The following MCTP1 variants were observed in gnomAD, a reference collection of about 807,000 sequenced individuals.
The protein encoded by MCTP1 is multiple C2 and transmembrane domain containing 1.
MCTP1 carries 69 observed loss-of-function variants against 120.6 expected under a neutral mutation model. That is an observed-to-expected ratio of 0.57 (90% CI 0.47 to 0.70). The LOEUF (loss-of-function observed/expected upper bound fraction) is 0.70. MCTP1 is among the 30% of genes least tolerant of loss of function. The pLI, the probability that MCTP1 is intolerant of heterozygous loss-of-function variation, is 0.00. For missense variants in MCTP1, 1,203 were observed against 1,248.8 expected (o/e 0.96, Z 0.55); for synonymous variants, 529 against 493.1 (o/e 1.07, Z -0.96).
intron 1 of MCTP1, among the ~76,000 whole-genome samples, chr5:95,202,768 C>G (rs1444059601): frequency 6.6e-6 from 1 of 151,936 alleles, no homozygotes; most frequent in Non-Finnish European, 1.5e-5. Context: ...TGCTCTGTTG[C>G]CCAGGCTGGA....
chr5:95,108,135 A>G (rs1757221536), intron 1 of MCTP1, among the ~76,000 whole-genome samples: 1 of 152,204 alleles, frequency 6.6e-6, no homozygotes, highest in African/African-American at 2.4e-5. Flanking sequence ...ATTCTCCTTT[A>G]TCTCCATACA....
At chr5:94,751,702 C>T (rs145854532) in intron 19 of MCTP1, among the ~76,000 whole-genome samples, 144 of 152,120 alleles carry the variant, frequency 9.5e-4, no homozygotes, top group African/African-American at 3.3e-3. Flanking sequence ...AAAGCAGAGC[C>T]GTTGTTGAAT....
intron 2 of MCTP1, among the ~76,000 whole-genome samples, chr5:94,957,314 A>G (rs1369685150): frequency 3.3e-5 from 5 of 152,158 alleles, no homozygotes; most frequent in African/African-American, 1.2e-4. Flanking sequence ...ACAAAAACAA[A>G]CCGAGATGTA....
rs551989583 is a variant in MCTP1 at position 94,734,294 on chromosome 5, TATAAC to T, written c.2611-19413_2611-19409del. 2.0e-3 allele frequency among the ~76,000 whole-genome samples: 302 copies of T among 152,368 alleles called. 1 individual carries two copies. Among genetic ancestry groups the T allele is most frequent in the African/African-American group, 6.4e-3 (265 of 41,582 alleles). The stretch of plus-strand genomic sequence containing the variant: ...ATTAATATTTTTTAGGATGCAGTCT[TATAAC>T]ATGTATTGTACTTCTTTCCAATCTA... On this transcript the variant is annotated intron_variant, in intron 19 of 22. Transcript: ENST00000515393.
At chr5:95,143,105 T>C (rs1425368600) in intron 1 of MCTP1, among the ~76,000 whole-genome samples, 1 of 152,206 alleles carries the variant, frequency 6.6e-6, no homozygotes, top group East Asian at 1.9e-4. Flanking sequence ...AGTTACCATG[T>C]ATTATAGGCA....
intron 1 of MCTP1, among the ~76,000 whole-genome samples, chr5:95,221,091 G>A (rs772180803): frequency 3.3e-5 from 5 of 152,194 alleles, no homozygotes; most frequent in Non-Finnish European, 7.3e-5. Context: ...CAGCATAGAT[G>A]CTACAACCAA....
intron 1 of MCTP1, among the ~76,000 whole-genome samples, chr5:95,061,408 GTTTTTTTTTT>G (rs556663513): frequency 0.011 from 382 of 33,316 alleles, 62 homozygotes; most frequent in Middle Eastern, 0.022. Context: ...CCCCTTAAGG[GTTTTTTTTTT>G]TTTTTTTTTT....
chr5:94,808,953 C>T (rs1782902299), intron 17 of MCTP1, among the ~76,000 whole-genome samples: 1 of 152,074 alleles, frequency 6.6e-6, no homozygotes, highest in Non-Finnish European at 1.5e-5. Context: ...TTTGAAGTTG[C>T]TATCTGAAAC....
chr5:95,231,355 C>T (rs1427614734), intron 1 of MCTP1, among the ~76,000 whole-genome samples: 1 of 151,922 alleles, frequency 6.6e-6, no homozygotes, highest in Non-Finnish European at 1.5e-5. Flanking sequence ...TATATATACA[C>T]ATATATAGAC....
chr5:95,061,718 A>G (rs971123190), intron 1 of MCTP1, among the ~76,000 whole-genome samples: 5 of 151,920 alleles, frequency 3.3e-5, no homozygotes, highest in Non-Finnish European at 5.9e-5. Flanking sequence ...TACAGGCGTG[A>G]GCCACCGCGC....
chr5:95,151,803 T>C (rs1229474247), intron 1 of MCTP1, among the ~76,000 whole-genome samples: 1 of 152,214 alleles, frequency 6.6e-6, no homozygotes, highest in Non-Finnish European at 1.5e-5. Context: ...TACTTTGGCA[T>C]TTCCTCTCTG....
At chr5:95,052,917 G>A (rs768856422) in intron 1 of MCTP1, among the ~76,000 whole-genome samples, 6 of 152,130 alleles carry the variant, frequency 3.9e-5, no homozygotes, top group Admixed American at 1.3e-4. Context: ...AATTCTGGCC[G>A]TTCAACATTT....
rs1801910467 is a variant in MCTP1 at position 94,888,876 on chromosome 5, T to A, written c.1933+3A>T. 1.3e-6 allele frequency: 2 copies of A among 1,594,140 alleles called. No individual in the cohort carries two copies. Among genetic ancestry groups the A allele is most frequent in the African/African-American group, 2.7e-5 (2 of 74,402 alleles). The stretch of plus-strand genomic sequence containing the variant: ...GCAATAGGAGAATTGCATCATCTCT[T>A]ACCAGTGACGTCGGCAGCCATTAAC... On this transcript the variant is annotated splice_donor_region_variant and intron_variant, in intron 12 of 22. Transcript: ENST00000515393.
At chr5:94,903,537 A>G (rs1159169423) in intron 10 of MCTP1, among the ~76,000 whole-genome samples, 1 of 152,212 alleles carries the variant, frequency 6.6e-6, no homozygotes, top group Non-Finnish European at 1.5e-5. Context: ...AGATTTTGAA[A>G]GCATTTGTTC....
intron 1 of MCTP1, among the ~76,000 whole-genome samples, chr5:95,061,275 C>T (rs962921121): frequency 4.6e-5 from 7 of 150,680 alleles, no homozygotes; most frequent in African/African-American, 1.7e-4. Context: ...AAGGGAAAAA[C>T]ATAATAATTG....
chr5:95,188,680 G>T (rs1295708572), intron 1 of MCTP1, among the ~76,000 whole-genome samples: 1 of 152,146 alleles, frequency 6.6e-6, no homozygotes, highest in Non-Finnish European at 1.5e-5. Flanking sequence ...TCCAGGGGTT[G>T]GGGATGGAGG....
intron 17 of MCTP1, among the ~76,000 whole-genome samples, chr5:94,809,173 C>T (rs1435113607): frequency 6.6e-6 from 1 of 151,996 alleles, no homozygotes; most frequent in African/African-American, 2.4e-5. Context: ...GCATAATGCA[C>T]ACTACTTTCC....
At chr5:94,824,634 C>G (rs183537080) in intron 17 of MCTP1, among the ~76,000 whole-genome samples, 66 of 152,272 alleles carry the variant, frequency 4.3e-4, no homozygotes, top group African/African-American at 1.5e-3. Flanking sequence ...CTTTGTACCT[C>G]TGGTAGAATT....
At chr5:95,068,732 A>T in intron 1 of MCTP1, 1 of 1,120,054 alleles carries the variant, frequency 8.9e-7, no homozygotes, top group Non-Finnish European at 1.2e-6. Context: ...TTTTATGCCT[A>T]ATTAAACACC....
Sources: gnomAD v4.1 joint callset for allele counts (sites outside exome capture counted in the v4.1 genomes callset) on GRCh38, gnomAD v4.1.1 for gene constraint, MANE v1.5 for transcripts, NCBI Gene and HGNC (gene_info 2026-07-23, HGNC 2026-07-21) for gene names.